TRAT1: variants seen among roughly 807,000 people sequenced by gnomAD.
The protein encoded by TRAT1 is T-cell receptor-associated transmembrane adapter 1.
A neutral mutation model predicts 20.0 loss-of-function variants in TRAT1; 20 were observed. The observed-to-expected ratio is 1.00, with a 90% CI of 0.70 to 1.45. The LOEUF is 1.45. TRAT1 is among the 40% of genes most tolerant of loss of function. TRAT1 has a pLI of 0.00. For synonymous variants in TRAT1, 77 were observed against 74.2 expected (o/e 1.04, Z -0.20); for missense variants, 237 against 224.1 (o/e 1.06, Z -0.37).
At chr3:108,847,227 C>A in intron 4 of TRAT1, 98 bp downstream of exon 4, 1 of 675,188 alleles carries the variant, frequency 1.5e-6, no homozygotes. Flanking sequence ...TCACACTTAG[C>A]TATCCCAGTG....
At chr3:108,850,157 G>A (rs962797188) in intron 5 of TRAT1, among the ~76,000 whole-genome samples, 1 of 152,058 alleles carries the variant, frequency 6.6e-6, no homozygotes, top group Non-Finnish European at 1.5e-5. Flanking sequence ...GAACACTTAG[G>A]TACTAAGTAA....
At chr3:108,833,392 T>G (rs940480424) in intron 2 of TRAT1, among the ~76,000 whole-genome samples, 27 of 152,096 alleles carry the variant, frequency 1.8e-4, no homozygotes, top group African/African-American at 6.3e-4. Flanking sequence ...CACTCCAGCC[T>G]GGGTAAAAGA....
In TRAT1 at chr3:108,830,851, G is replaced by A. The variant is rs562960624; in HGVS notation, c.118+71G>A. 11 of 913,372 alleles carry A rather than the reference G, an allele frequency of 1.2e-5. No individual in the cohort carries two copies. The Admixed American group carries it at 1.4e-4, about 12-fold the overall frequency. The allele number at this position is 913,372 out of a possible 1,614,324, so 56.6% of individuals were successfully genotyped here. On this transcript the variant is annotated intron_variant, in intron 2 of 5. Transcript: ENST00000295756. ...ACTATGGAGTCACTGGAAAACCTAT[G>A]GAAGCAGACAATTTTATGAAATGTC...
At chr3:108,843,398 C>T (rs1359119451) in intron 3 of TRAT1, among the ~76,000 whole-genome samples, 8 of 152,148 alleles carry the variant, frequency 5.3e-5, no homozygotes, top group Admixed American at 3.9e-4. Flanking sequence ...GGCATGTCGT[C>T]ATGCGCCTGT....
Position 108,854,498 on chromosome 3 carries a change from A to C in TRAT1, c.*621A>C, listed in dbSNP as rs1946027392. ...AACAAATATCAAAAAGAGTTTAGGA[A>C]TTCTACTAGCCAGAGATAGTCACTT... is the stretch of plus-strand genomic sequence containing the variant. On this transcript the variant is annotated 3_prime_UTR_variant, in exon 6 of 6. Coordinates refer to ENST00000295756, the MANE Select transcript of TRAT1 (RefSeq NM_016388.4). The C allele has an allele frequency of 1.3e-5, 2 of 152,060 alleles. No homozygotes were observed. The highest frequency in any genetic ancestry group is 4.8e-5 in the African/African-American group (2 of 41,322). The allele number at this position is 152,060 out of a possible 1,614,324, so 9.4% of individuals were successfully genotyped here.
chr3:108,825,735 T>C (rs1288112094), intron 1 of TRAT1, among the ~76,000 whole-genome samples: 2 of 152,166 alleles, frequency 1.3e-5, no homozygotes, highest in African/African-American at 2.4e-5. Flanking sequence ...CCAGACATTT[T>C]TGATTACACT....
chr3:108,826,342 C>A (rs1945739155), intron 1 of TRAT1, among the ~76,000 whole-genome samples: 1 of 152,108 alleles, frequency 6.6e-6, no homozygotes, highest in African/African-American at 2.4e-5. Flanking sequence ...CCAACACACA[C>A]CATTTACTTC....
chr3:108,827,009 G>A (rs73197004), intron 1 of TRAT1, among the ~76,000 whole-genome samples: 9,147 of 152,184 alleles, frequency 0.06, 398 homozygotes, highest in South Asian at 0.1. Context: ...GGAGTCAGAG[G>A]TTTTATAATT....
chr3:108,836,064 C>A (rs759537724), intron 2 of TRAT1, among the ~76,000 whole-genome samples: 1 of 151,814 alleles, frequency 6.6e-6, no homozygotes, highest in South Asian at 2.1e-4. Context: ...GGACTACAGG[C>A]GCATGCCACC....
At chr3:108,839,520 C>A (rs1945872952) in intron 3 of TRAT1, among the ~76,000 whole-genome samples, 1 of 151,978 alleles carries the variant, frequency 6.6e-6, no homozygotes, top group Non-Finnish European at 1.5e-5. Flanking sequence ...GTGGCACATG[C>A]CTGTAGTCCC....
intron 2 of TRAT1, among the ~76,000 whole-genome samples, chr3:108,838,131 T>G (rs1399088132): frequency 6.6e-6 from 1 of 152,174 alleles, no homozygotes; most frequent in Non-Finnish European, 1.5e-5. Context: ...TTTCTTTTCT[T>G]AGAAGCTGTT....
At chr3:108,840,857 C>A in intron 3 of TRAT1, among the ~76,000 whole-genome samples, 1 of 152,232 alleles carries the variant, frequency 6.6e-6, no homozygotes, top group South Asian at 2.1e-4. Context: ...AGAGATAGTT[C>A]CCCAAGCCTC....
At chr3:108,844,843 C>CAAAAAAAA (rs71103495) in intron 3 of TRAT1, among the ~76,000 whole-genome samples, 13 of 47,822 alleles carry the variant, frequency 2.7e-4, no homozygotes, top group African/African-American at 6.8e-4. Flanking sequence ...GACTCTGTCT[C>CAAAAAAAA]AAAAAAAAAA....
At chr3:108,830,850 T>A (rs182831264) in intron 2 of TRAT1, 70 bp downstream of exon 2, 1 of 940,890 alleles carries the variant, frequency 1.1e-6, no homozygotes, top group African/African-American at 1.6e-5. Flanking sequence ...GGAAAACCTA[T>A]GGAAGCAGAC....
At position 108,847,091 on chromosome 3, in the gene TRAT1, A is replaced by G; in HGVS notation, c.176A>G (p.Asp59Gly). The G allele has an allele frequency of 6.5e-7, 1 of 1,543,076 alleles. No homozygotes were observed. The highest frequency in any genetic ancestry group is 8.9e-7 in the Non-Finnish European group (1 of 1,124,664). Residue 59 changes from aspartate to glycine, a missense_variant, in exon 4 of 6, where the codon GAC (aspartate) becomes GGC (glycine). Transcript: ENST00000295756. The stretch of plus-strand genomic sequence containing the variant: ...AGGGTTGATGAGTATTATATTGAAG[A>G]CACACCAATTTATGGTAACTTAGAT... ...HTRVDEYYIE[D>G]TPIYGNLDDM...
Position 108,840,177 on chromosome 3 carries a change from C to T in TRAT1, c.152+1210C>T, listed in dbSNP as rs1194675151. On this transcript the variant is annotated intron_variant, in intron 3 of 5. Transcript: ENST00000295756. ...TAAGATCTGGGCTGCAGGCATACCC[C>T]GTCACACACAAAATCTGTTTTTATG... Among the ~76,000 whole-genome samples the T allele has an allele frequency of 4.6e-5, 7 of 152,132 alleles. No homozygotes were observed. In the South Asian group the frequency reaches 6.2e-4, roughly 14 times the overall value.
intron 1 of TRAT1, 83 bp from the exon 2 acceptor site, chr3:108,830,587 C>A: frequency 1.2e-6 from 1 of 853,460 alleles, no homozygotes; most frequent in Non-Finnish European, 2.0e-6. Flanking sequence ...ATAAATGCAA[C>A]AGCTTTAACT....
intron 3 of TRAT1, among the ~76,000 whole-genome samples, chr3:108,841,021 G>A (rs1945892064): frequency 1.3e-5 from 2 of 152,224 alleles, no homozygotes; most frequent in Admixed American, 1.3e-4. Flanking sequence ...CTGTTTCTGT[G>A]AGAGACTAGA....
intron 3 of TRAT1, among the ~76,000 whole-genome samples, chr3:108,845,786 T>G (rs530809327): frequency 3.9e-5 from 6 of 152,230 alleles, no homozygotes; most frequent in East Asian, 1.9e-4. Context: ...TACTATTTTA[T>G]GAAATGCGAC....
Sources: gnomAD v4.1 joint callset for allele counts (sites outside exome capture counted in the v4.1 genomes callset) on GRCh38, gnomAD v4.1.1 for gene constraint, MANE v1.5 for transcripts, NCBI Gene and HGNC (gene_info 2026-07-23, HGNC 2026-07-21) for gene names.